Variants in KLHL1 observed in about 807,000 individuals in gnomAD.
KLHL1 encodes the protein kelch-like protein 1.
In KLHL1, 47 loss-of-function variants were observed where a neutral mutation model predicts 77.7. The observed-to-expected ratio is 0.60, with a 90% confidence interval of 0.48 to 0.77. The LOEUF (loss-of-function observed/expected upper bound fraction) is 0.77, where lower values mean the gene tolerates loss of function less well. Among genes scored for constraint, KLHL1 ranks in the 30% least tolerant of loss-of-function variants. The probability of loss-of-function intolerance (pLI) is 0.00; values close to 1 mark genes in which losing one functional copy is unlikely to be tolerated. For synonymous variants in KLHL1, 360 were observed against 325.2 expected, an observed-to-expected ratio of 1.11 and a Z score of -1.15; for missense variants, 925 against 910.8, an observed-to-expected ratio of 1.02 and a Z score of -0.20.
intron 8 of KLHL1, among the ~76,000 whole-genome samples, chr13:69,728,404 ATTGT>A (rs71815356): frequency 0.43 from 65,367 of 150,326 alleles, 14,744 homozygotes; most frequent in African/African-American, 0.56. Flanking sequence ...CCTTGTAAAA[ATTGT>A]TTGTTTGTTT....
chr13:70,006,803 T>A (rs961473110), intron 1 of KLHL1, among the ~76,000 whole-genome samples: 11 of 152,144 alleles, frequency 7.2e-5, no homozygotes, highest in African/African-American at 2.4e-4. Flanking sequence ...ATAATAGCTT[T>A]CAAGCTCAAA....
At chr13:69,939,479 C>T (rs1883299314) in intron 4 of KLHL1, among the ~76,000 whole-genome samples, 1 of 150,572 alleles carries the variant, frequency 6.6e-6, no homozygotes, top group South Asian at 2.1e-4. Flanking sequence ...ACACCAAGTA[C>T]AATATGCTGT....
rs745528454 is a variant in KLHL1, at chr13:70,107,349, C to G, written c.351G>C (p.Arg117Ser). ...APGQGTQQPA[R>S]TLFYVESLEE... ...CTAGTGACTCCACGTAGAAGAGAGTCCTGGCTGGCTGCTGAGTGCCCTGCC... is the reference window on the plus strand; with the variant it reads ...CTAGTGACTCCACGTAGAAGAGAGTGCTGGCTGGCTGCTGAGTGCCCTGCC... The change falls in exon 1 of 11, where the codon AGG becomes AGC. Residue 117 changes from arginine to serine, a missense_variant. Physicochemically the swap from Arg to Ser is moderately radical, Grantham distance 110. Coordinates refer to ENST00000377844, the MANE Select transcript of KLHL1 (RefSeq NM_020866.3). The G allele has an allele frequency of 6.2e-7, 1 of 1,613,968 alleles. No individual in the cohort carries two copies. Among genetic ancestry groups the G allele is most frequent in the East Asian group, 2.2e-5 (1 of 44,856 alleles).
chr13:69,717,276 T>G (rs1872809567), intron 9 of KLHL1, among the ~76,000 whole-genome samples: 1 of 152,152 alleles, frequency 6.6e-6, no homozygotes, highest in Non-Finnish European at 1.5e-5. Flanking sequence ...TACAGAACAT[T>G]TTTACAGTCT....
intron 1 of KLHL1, among the ~76,000 whole-genome samples, chr13:69,992,927 A>T (rs974279696): frequency 3.3e-5 from 5 of 151,832 alleles, no homozygotes; most frequent in Non-Finnish European, 7.4e-5. Flanking sequence ...CAGAGGGAAA[A>T]AAAAAACATG....
At chr13:70,008,528 T>C (rs1885458299) in intron 1 of KLHL1, among the ~76,000 whole-genome samples, 1 of 152,120 alleles carries the variant, frequency 6.6e-6, no homozygotes, top group Non-Finnish European at 1.5e-5. Context: ...AACCATTTGA[T>C]ATATACATTA....
chr13:69,884,811 T>C (rs1303061924), intron 4 of KLHL1, among the ~76,000 whole-genome samples: 1 of 152,124 alleles, frequency 6.6e-6, no homozygotes, highest in African/African-American at 2.4e-5. Flanking sequence ...TTATTTGGCC[T>C]CCAGAAAACT....
chr13:69,749,734 C>A (rs761905080), intron 7 of KLHL1, among the ~76,000 whole-genome samples: 1 of 151,936 alleles, frequency 6.6e-6, no homozygotes, highest in African/African-American at 2.4e-5. Flanking sequence ...ATAATGCTGT[C>A]ACATTTTAGC....
chr13:69,785,530 A>G (rs1248720979), intron 7 of KLHL1, among the ~76,000 whole-genome samples: 2 of 152,178 alleles, frequency 1.3e-5, no homozygotes, highest in African/African-American at 4.8e-5. Context: ...GGAAATTTAT[A>G]GCACTAAATG....
chr13:69,715,371 G>A (rs552154866), intron 9 of KLHL1, among the ~76,000 whole-genome samples: 47 of 152,134 alleles, frequency 3.1e-4, no homozygotes, highest in Non-Finnish European at 5.4e-4. Context: ...TGTTTGGCAA[G>A]TTCCTCCTTC....
At chr13:70,068,737 A>G (rs1411439661) in intron 1 of KLHL1, among the ~76,000 whole-genome samples, 1 of 152,252 alleles carries the variant, frequency 6.6e-6, no homozygotes, top group Non-Finnish European at 1.5e-5. Flanking sequence ...ATAATTTAAT[A>G]GATTATCTTG....
chr13:69,952,412 A>C (rs1326002105), intron 3 of KLHL1, among the ~76,000 whole-genome samples: 1 of 151,316 alleles, frequency 6.6e-6, no homozygotes, highest in Non-Finnish European at 1.5e-5. Flanking sequence ...TTCTTTATTA[A>C]CTTTTATTCT....
At chr13:69,902,728 G>A (rs999811297) in intron 4 of KLHL1, among the ~76,000 whole-genome samples, 1 of 148,182 alleles carries the variant, frequency 6.7e-6, no homozygotes, top group Non-Finnish European at 1.5e-5. Context: ...ACAGAGGAAG[G>A]GGAACATCAC....
intron 1 of KLHL1, among the ~76,000 whole-genome samples, chr13:70,001,740 TATTTTAATATCCA>T (rs1353264990): frequency 2.0e-5 from 3 of 151,538 alleles, no homozygotes; most frequent in Non-Finnish European, 3.0e-5. Flanking sequence ...CATATTAGTG[TATTTTAATATCCA>T]TATAATAAAA....
chr13:69,951,173 T>G (rs150575353), intron 3 of KLHL1, among the ~76,000 whole-genome samples: 1,563 of 151,728 alleles, frequency 0.01, 26 homozygotes, highest in African/African-American at 0.035. Flanking sequence ...TTACTTATTG[T>G]GAAAATTACA....
intron 5 of KLHL1, among the ~76,000 whole-genome samples, chr13:69,859,823 G>A (rs1031880891): frequency 1.3e-5 from 2 of 152,080 alleles, no homozygotes; most frequent in African/African-American, 4.8e-5. Context: ...AATGCGTTTT[G>A]CATAGGCAAA....
At chr13:69,868,615 T>C (rs1035471360) in intron 5 of KLHL1, among the ~76,000 whole-genome samples, 16 of 152,108 alleles carry the variant, frequency 1.1e-4, no homozygotes, top group African/African-American at 3.9e-4. Context: ...ATCTGAAAAA[T>C]TGAGCTGTTC....
Position 69,961,400 on chromosome 13 carries a change from G to T in KLHL1, c.725C>A (p.Thr242Lys). ...TTGCTTGGCTTCACAAACATCACTT[G>T]TAAACATGGCCGCAAAATAGTCGGA... is the stretch of plus-strand genomic sequence containing the variant. ...SVSDYFAAMF[T>K]SDVCEAKQEE... Residue 242 changes from threonine (T) to lysine (K), a missense_variant, in exon 3 of 11, where the codon ACA becomes AAA. Thr to Lys is a moderately conservative substitution (Grantham distance 78). Transcript: ENST00000377844. The T allele has an allele frequency of 6.2e-7, 1 of 1,612,962 alleles. No individual in the cohort carries two copies. The highest frequency in any genetic ancestry group is 8.5e-7 in the Non-Finnish European group (1 of 1,179,364).
intron 6 of KLHL1, among the ~76,000 whole-genome samples, chr13:69,812,418 G>C (rs561530567): frequency 5.2e-4 from 79 of 152,212 alleles, no homozygotes; most frequent in African/African-American, 1.8e-3. Flanking sequence ...GCATAGGCAA[G>C]GACTTCATGT....
Sources: gnomAD v4.1 joint callset for allele counts (sites outside exome capture counted in the v4.1 genomes callset) on GRCh38, gnomAD v4.1.1 for gene constraint, MANE v1.5 for transcripts, NCBI Gene and HGNC (gene_info 2026-07-23, HGNC 2026-07-21) for gene names.